Variants in CDC5L observed in about 807,000 individuals in gnomAD.
CDC5L encodes the protein cell division cycle 5-like protein.
CDC5L carries 18 observed loss-of-function variants against 104.1 expected under a neutral mutation model. The ratio of observed to expected loss-of-function variants is 0.17; its 90% CI spans 0.12 to 0.26. The LOEUF is 0.26. CDC5L is among the 10% of genes least tolerant of loss of function. The pLI is 1.00. For synonymous variants in CDC5L, 331 were observed against 322.7 expected (o/e 1.03, Z -0.28); for missense variants, 673 against 956.9 (o/e 0.70, Z 3.91).
Position 44,446,848 on chromosome 6 carries a change from G to A in CDC5L, c.*137G>A, listed in dbSNP as rs947359337. 7.8e-6 allele frequency: 4 copies of A among 514,422 alleles called. No homozygotes were observed. The highest frequency in any genetic ancestry group is 6.3e-5 in the East Asian group (2 of 31,656). The allele number at this position is 514,422 out of a possible 1,614,324, so 31.9% of individuals were successfully genotyped here. ...TCAGTTGTTTATTTTAAATGATATC[G>A]ATCTTACACATTCTGTGTATAAAGA... On this transcript the variant is annotated 3_prime_UTR_variant, in exon 16 of 16. Transcript: ENST00000371477.
At position 44,422,737 on chromosome 6, in the gene CDC5L, T is replaced by C; in HGVS notation, c.1332T>C (p.Leu444=). The change falls in exon 10 of 16, where the codon CTT becomes CTC. Residue 444 remains leucine, a synonymous_variant. Coordinates refer to ENST00000371477, the MANE Select transcript of CDC5L (RefSeq NM_001253.4). The part of the protein sequence containing the change: ...VINSTPGRTP[L]RDKLNINPED... ...ACTCTACTCCGGGTAGAACTCCTCT[T>C]CGAGACAAGTTAAACATTAATCCCG... is the stretch of plus-strand genomic sequence containing the variant. 6.2e-7 allele frequency: 1 copy of C among 1,613,046 alleles called. No individual in the cohort carries two copies. Among genetic ancestry groups the C allele is most frequent in the Non-Finnish European group, 8.5e-7 (1 of 1,179,126 alleles).
At chr6:44,424,606 G>A in intron 11 of CDC5L, 23 bp downstream of exon 11, 1 of 1,612,044 alleles carries the variant, frequency 6.2e-7, no homozygotes, top group East Asian at 2.2e-5. Flanking sequence ...ACTGAAAGAA[G>A]CGTGAGTTTG....
At chr6:44,411,021 A>G (rs554039973) in intron 8 of CDC5L, among the ~76,000 whole-genome samples, 5 of 150,554 alleles carry the variant, frequency 3.3e-5, no homozygotes, top group South Asian at 4.2e-4. Flanking sequence ...TTTTTTTACC[A>G]TCTCTTATTT....
At chr6:44,421,404 T>A (rs1036557228) in intron 9 of CDC5L, among the ~76,000 whole-genome samples, 1 of 152,242 alleles carries the variant, frequency 6.6e-6, no homozygotes, top group African/African-American at 2.4e-5. Flanking sequence ...GGGTTTACTT[T>A]GAATTTTAAG....
intron 5 of CDC5L, among the ~76,000 whole-genome samples, 196 bp from the exon 6 acceptor site, chr6:44,403,600 CTTTTGGTTTTTCT>C (rs1378865294): frequency 1.3e-5 from 2 of 151,866 alleles, no homozygotes; most frequent in African/African-American, 4.8e-5. Context: ...CTTGTAGTTC[CTTTTGGTTTTTCT>C]TTTTGCCTTA....
At chr6:44,404,344 C>G (rs1216278304) in intron 6 of CDC5L, among the ~76,000 whole-genome samples, 1 of 151,942 alleles carries the variant, frequency 6.6e-6, no homozygotes, top group Non-Finnish European at 1.5e-5. Context: ...GTGGGATCTC[C>G]TTTTGTTGTG....
At chr6:44,404,331 A>G (rs1025621841) in intron 6 of CDC5L, among the ~76,000 whole-genome samples, 1 of 151,526 alleles carries the variant, frequency 6.6e-6, no homozygotes, top group Non-Finnish European at 1.5e-5. Flanking sequence ...ATTGTTTTGT[A>G]GGGTGGGATC....
In CDC5L at chr6:44,412,352, T is replaced by G. The variant is rs543035985; in HGVS notation, c.1092+3720T>G. Among the ~76,000 whole-genome samples, 5 of 151,684 alleles carry G rather than the reference T, an allele frequency of 3.3e-5. 1 individual carries two copies. The South Asian group carries it at 1.0e-3, about 32-fold the overall frequency. On this transcript the variant is annotated intron_variant, in intron 8 of 15. Transcript: ENST00000371477. ...AGGGTCTCACTCCCATTACCCAGGC[T>G]GGAGTGCAGTGGCATGATCACGGCC...
intron 14 of CDC5L, among the ~76,000 whole-genome samples, chr6:44,431,530 C>T (rs957322641): frequency 3.9e-5 from 6 of 152,206 alleles, no homozygotes; most frequent in Admixed American, 2.0e-4. Context: ...AGGTTTCTTA[C>T]TTAGTATGAA....
rs1044988152 is a variant in CDC5L, at chr6:44,448,527, T to G, written c.*1816T>G. ...ATTCTAACTAGAGTCCAGGTAATAG[T>G]AGTGGAGATATGTGGAGAGACATGA... On this transcript the variant is annotated 3_prime_UTR_variant, in exon 16 of 16. Transcript: ENST00000371477. 6.6e-6 allele frequency: 1 copy of G among 152,134 alleles called. No individual in the cohort carries two copies. Among genetic ancestry groups the G allele is most frequent in the Non-Finnish European group, 1.5e-5 (1 of 68,024 alleles). The allele number at this position is 152,134 out of a possible 1,614,324, so 9.4% of individuals were successfully genotyped here. A position where few individuals can be genotyped will look rare whatever the true frequency, so the allele number is the denominator to read the frequency against.
At chr6:44,406,181 C>T (rs1335816186) in intron 6 of CDC5L, 142 bp from the exon 7 acceptor site, 6 of 615,916 alleles carry the variant, frequency 9.7e-6, no homozygotes, top group Admixed American at 3.4e-5. Context: ...GGATTACAGG[C>T]GTGAGCCATT....
At chr6:44,439,562 T>C (rs1793087444) in intron 14 of CDC5L, among the ~76,000 whole-genome samples, 1 of 152,194 alleles carries the variant, frequency 6.6e-6, no homozygotes, top group African/African-American at 2.4e-5. Context: ...GGACCAGCTG[T>C]TTTTCCTTGC....
At chr6:44,437,525 C>A (rs142476168) in intron 14 of CDC5L, among the ~76,000 whole-genome samples, 1 of 151,988 alleles carries the variant, frequency 6.6e-6, no homozygotes, top group African/African-American at 2.4e-5. Context: ...GGAACCTTAG[C>A]GCAATATTTG....
chr6:44,427,351 G>A (rs892809622), intron 13 of CDC5L, among the ~76,000 whole-genome samples: 1 of 152,114 alleles, frequency 6.6e-6, no homozygotes, highest in Non-Finnish European at 1.5e-5. Context: ...GATACAGTGG[G>A]TCTCATCGTT....
At chr6:44,407,573 C>G (rs923676903) in intron 7 of CDC5L, among the ~76,000 whole-genome samples, 5 of 152,212 alleles carry the variant, frequency 3.3e-5, no homozygotes, top group African/African-American at 1.2e-4. Flanking sequence ...GAGCTACCAT[C>G]TACCCACCTC....
chr6:44,446,725 TTC>T lies in CDC5L; in HGVS notation c.*16_*17del. ...TCAAAATTCTGAAGTACAGTTTATA[TTC>T]TGTCACAGGATTAATTAATTGCCGG... On this transcript the variant is annotated 3_prime_UTR_variant, in exon 16 of 16. Coordinates refer to ENST00000371477, the MANE Select transcript of CDC5L (RefSeq NM_001253.4). 1 of 1,256,824 alleles carries T rather than the reference TTC, an allele frequency of 8.0e-7. No homozygotes were observed. The highest frequency in any genetic ancestry group is 1.1e-6 in the Non-Finnish European group (1 of 875,740). The allele number at this position is 1,256,824 out of a possible 1,614,324, so 77.9% of individuals were successfully genotyped here. A position where few individuals can be genotyped will look rare whatever the true frequency, so the allele number is the denominator to read the frequency against.
chr6:44,394,036 T>C (rs1790740164), intron 4 of CDC5L, among the ~76,000 whole-genome samples: 1 of 152,148 alleles, frequency 6.6e-6, no homozygotes, highest in Non-Finnish European at 1.5e-5. Context: ...TGTTATAGAG[T>C]AGTTGCTTTT....
intron 9 of CDC5L, among the ~76,000 whole-genome samples, chr6:44,421,584 CTCTG>C (rs1792175027): frequency 6.6e-6 from 1 of 152,172 alleles, no homozygotes; most frequent in Non-Finnish European, 1.5e-5. Flanking sequence ...TTAGTCGGCT[CTCTG>C]TATCTGAGGA....
chr6:44,447,248 A>G lies in CDC5L; in HGVS notation c.*537A>G, dbSNP rs1793487662. The G allele has an allele frequency of 6.6e-6, 1 of 151,738 alleles. No individual in the cohort carries two copies. The highest frequency in any genetic ancestry group is 2.4e-5 in the African/African-American group (1 of 41,436). 9.4% of individuals were successfully genotyped at this position (151,738 alleles called of 1,614,324 possible). A position where few individuals can be genotyped will look rare whatever the true frequency, so the allele number is the denominator to read the frequency against. ...TCTGTATACACTGACAAGTTAGATT[A>G]ACTTTTTAGTACCTCAAATTTTTTT... On this transcript the variant is annotated 3_prime_UTR_variant, in exon 16 of 16. Transcript: ENST00000371477.
Sources: gnomAD v4.1 joint callset for allele counts (sites outside exome capture counted in the v4.1 genomes callset) on GRCh38, gnomAD v4.1.1 for gene constraint, MANE v1.5 for transcripts, NCBI Gene and HGNC (gene_info 2026-07-23, HGNC 2026-07-21) for gene names.